The following RNF213 variants were observed in gnomAD, a reference collection of about 807,000 sequenced individuals.
RNF213 encodes the protein ring finger protein 213.
In RNF213, 341 loss-of-function variants were observed where a neutral mutation model predicts 514.4. The ratio of observed to expected loss-of-function variants is 0.66; its 90% CI spans 0.61 to 0.73. RNF213 has a LOEUF of 0.73. Among genes scored for constraint, RNF213 ranks in the 30% least tolerant of loss-of-function variants. RNF213 has a pLI of 0.00. For missense variants in RNF213, 5,767 were observed against 6,615.6 expected (o/e 0.87, Z 4.45); for synonymous variants, 2,655 against 2,658.2 (o/e 1.00, Z 0.04).
chr17:80,358,358 A>G lies in RNF213; in HGVS notation c.10933A>G (p.Arg3645Gly). The G allele has an allele frequency of 6.2e-7, 1 of 1,614,206 alleles. No individual in the cohort carries two copies. The highest frequency in any genetic ancestry group is 1.1e-5 in the South Asian group (1 of 91,080). Reference sequence around the variant, plus strand: ...GGCGAGCATGATATCATTCATCGACAGAGACGGCAACCTAGAGTTACTGAC... The same window carrying G: ...GGCGAGCATGATATCATTCATCGACGGAGACGGCAACCTAGAGTTACTGAC... ...LLASMISFIDRDGNLELLTRP... is the reference protein window; with the variant it reads ...LLASMISFIDGDGNLELLTRP... The change falls in exon 37 of 68, where the codon AGA (arginine) becomes GGA (glycine). Residue 3645 changes from arginine to glycine, a missense_variant. By Grantham distance (125) the Arg-to-Gly change is moderately radical (BLOSUM62 -2). Transcript: ENST00000582970.
At chr17:80,382,026 G>A in intron 57 of RNF213, 1 of 416,562 alleles carries the variant, frequency 2.4e-6, no homozygotes. Context: ...AGTGTTCAGT[G>A]TGCATATATG....
At chr17:80,350,642 AAAAAT>A (rs1357556547) in intron 31 of RNF213, among the ~76,000 whole-genome samples, 8 of 152,362 alleles carry the variant, frequency 5.3e-5, no homozygotes, top group South Asian at 2.1e-4. Flanking sequence ...TCATTTCTAA[AAAAAT>A]AAAATAATTA....
intron 20 of RNF213, 111 bp downstream of exon 20, chr17:80,328,588 A>G: frequency 1.8e-6 from 2 of 1,098,882 alleles, no homozygotes; most frequent in Non-Finnish European, 2.4e-6. Flanking sequence ...AGGCTTTAAA[A>G]TTTTTTTTTT....
rs183053516 is a variant in RNF213 at position 80,306,648 on chromosome 17, G to A, written c.2427+180G>A. Among the ~76,000 whole-genome samples, 810 of 152,146 alleles carry A rather than the reference G, an allele frequency of 5.3e-3. 6 individuals are homozygous for A. The highest frequency in any genetic ancestry group is 0.019 in the African/African-American group (780 of 41,514). On this transcript the variant is annotated intron_variant, in intron 12 of 67. Coordinates refer to ENST00000582970, the MANE Select transcript of RNF213 (RefSeq NM_001256071.3). ...GGGCAGATCACGAGGTCAGGAGATC[G>A]AGACCATCCTGGCTAACACAGTGAA...
At chr17:80,296,351 T>C (rs2044946178) in intron 10 of RNF213, among the ~76,000 whole-genome samples, 1 of 152,166 alleles carries the variant, frequency 6.6e-6, no homozygotes, top group Non-Finnish European at 1.5e-5. Flanking sequence ...CTTCGTGTGG[T>C]ATCATGAGCA....
intron 28 of RNF213, 101 bp downstream of exon 28, chr17:80,344,116 C>T: frequency 7.8e-7 from 1 of 1,278,440 alleles, no homozygotes. Context: ...CACATCTTTG[C>T]CTTACTTAGT....
intron 19 of RNF213, 60 bp from the exon 20 acceptor site, chr17:80,328,268 C>T: frequency 1.3e-6 from 2 of 1,493,910 alleles, no homozygotes; most frequent in Admixed American, 4.3e-5. Context: ...CAAAGCATTG[C>T]CATGGAAAAT....
rs763973660 is a variant in RNF213 at position 80,376,292 on chromosome 17, T to G, written c.13186-9T>G. Reference sequence around the variant, plus strand: ...GATACATCTTAATGTTAAGTTTTTTTCCTGTCAGCAATGTGAAGCTGTGAG... The same window carrying G: ...GATACATCTTAATGTTAAGTTTTTTGCCTGTCAGCAATGTGAAGCTGTGAG... On this transcript the variant is annotated splice_polypyrimidine_tract_variant and intron_variant, in intron 51 of 67. Coordinates refer to ENST00000582970, the MANE Select transcript of RNF213 (RefSeq NM_001256071.3). 1.1e-5 allele frequency: 17 copies of G among 1,614,080 alleles called. No homozygotes were observed. The African/African-American group carries it at 2.0e-4, about 19-fold the overall frequency.
chr17:80,313,440 GGTTGGTGGTGGTGGTGGT>G (rs1397850199), intron 15 of RNF213, among the ~76,000 whole-genome samples: 5 of 12,934 alleles, frequency 3.9e-4, no homozygotes, highest in African/African-American at 1.2e-3. Flanking sequence ...TGATGGTGAT[GGTTGGTGGTGGTGGTGGT>G]AGAGGTGATG....
At chr17:80,352,021 A>G in intron 32 of RNF213, 1 of 412,674 alleles carries the variant, frequency 2.4e-6, no homozygotes, top group South Asian at 2.5e-5. Context: ...TGCCCAGCTA[A>G]TTTTTGTATG....
chr17:80,294,898 C>T lies in RNF213; in HGVS notation c.1650C>T (p.Asn550=). The change falls in exon 9 of 68, where the codon AAC becomes AAT. Residue 550 remains asparagine (N), a synonymous_variant. Transcript: ENST00000582970. ...ILQTWDTINL[N]SFFTQFEQFC... is the part of the protein sequence containing the mutation. ...AGACCTGGGACACCATCAACCTGAA[C>T]AGCTTCTTCACCCAGTTCGAGCAGT... The T allele has an allele frequency of 3.7e-6, 6 of 1,614,234 alleles. No individual in the cohort carries two copies. The highest frequency in any genetic ancestry group is 5.1e-6 in the Non-Finnish European group (6 of 1,180,046).
intron 21 of RNF213, among the ~76,000 whole-genome samples, chr17:80,333,442 C>T (rs1348748147): frequency 6.6e-6 from 1 of 151,030 alleles, no homozygotes; most frequent in Admixed American, 6.6e-5. Flanking sequence ...GCCTGTAATC[C>T]CAGCACTTTG....
intron 11 of RNF213, among the ~76,000 whole-genome samples, chr17:80,305,030 C>T (rs1185731217): frequency 1.3e-5 from 2 of 152,074 alleles, no homozygotes; most frequent in African/African-American, 4.8e-5. Flanking sequence ...TCAATGAATT[C>T]TTTTTGTGTA....
At position 80,388,591 on chromosome 17, in the gene RNF213, CT is replaced by C. The variant is rs756409502; in HGVS notation, c.14923-15del. On this transcript the variant is annotated intron_variant, in intron 63 of 67. Coordinates refer to ENST00000582970, the MANE Select transcript of RNF213 (RefSeq NM_001256071.3). ...CCACGATGGATTTAATTTTAAAAAACTTTTTTCTTTCCCAATTTAGGGAATA... is the reference window on the plus strand; with the variant it reads ...CCACGATGGATTTAATTTTAAAAAACTTTTTCTTTCCCAATTTAGGGAATA... 13 of 1,558,704 alleles carry C rather than the reference CT, an allele frequency of 8.3e-6. No individual in the cohort carries two copies. The South Asian group carries it at 1.2e-4, about 15-fold the overall frequency.
intron 50 of RNF213, 98 bp downstream of exon 50, chr17:80,374,687 CTG>C: frequency 7.0e-7 from 1 of 1,429,786 alleles, no homozygotes; most frequent in Non-Finnish European, 9.7e-7. Flanking sequence ...TGATGGACCA[CTG>C]ATGCAGCCCA....
At chr17:80,349,393 G>T (rs1342746959) in intron 29 of RNF213, among the ~76,000 whole-genome samples, 1 of 152,158 alleles carries the variant, frequency 6.6e-6, no homozygotes, top group East Asian at 1.9e-4. Context: ...GGGGGAAGGG[G>T]ACAGCACCAA....
chr17:80,332,160 A>G lies in RNF213; in HGVS notation c.3672A>G (p.Ile1224Met), dbSNP rs1157797676. The change falls in exon 21 of 68, where the codon ATA becomes ATG. Residue 1224 changes from isoleucine (I) to methionine (M), a missense_variant. Physicochemically the swap from Ile to Met is conservative, Grantham distance 10. Transcript: ENST00000582970. ...SSQVQEMAGKIDLLRDSHIFQ... is the reference protein window; with the variant it reads ...SSQVQEMAGKMDLLRDSHIFQ... ...AGGTCCAAGAAATGGCTGGGAAGAT[A>G]GACTTGCTCAGAGACAGCCACATCT... The G allele has an allele frequency of 6.5e-7, 1 of 1,537,088 alleles. No homozygotes were observed. Among genetic ancestry groups the G allele is most frequent in the Non-Finnish European group, 8.7e-7 (1 of 1,146,922 alleles).
rs201312003 is a variant in RNF213, at chr17:80,393,478, T to G, written c.15604T>G (p.Trp5202Gly). The G allele has an allele frequency of 3.7e-6, 6 of 1,614,170 alleles. No individual in the cohort carries two copies. The highest frequency in any genetic ancestry group is 5.1e-6 in the Non-Finnish European group (6 of 1,180,022). The change falls in exon 68 of 68, where the codon TGG becomes GGG. Residue 5202 changes from tryptophan (W) to glycine (G), a missense_variant. Physicochemically the swap from Trp to Gly is radical, Grantham distance 184. Coordinates refer to ENST00000582970, the MANE Select transcript of RNF213 (RefSeq NM_001256071.3). ...GTGGAAAACAGCTGCTGTGCTGAAATGGAATCGAGAAATGAGATAGAATTA... is the reference window on the plus strand; with the variant it reads ...GTGGAAAACAGCTGCTGTGCTGAAAGGGAATCGAGAAATGAGATAGAATTA... ...SVWKTAAVLK[W>G]NREMR is the part of the protein sequence containing the mutation.
chr17:80,384,871 T>A, intron 59 of RNF213, 168 bp from the exon 60 acceptor site: 1 of 742,412 alleles, frequency 1.3e-6, no homozygotes, highest in Non-Finnish European at 2.3e-6. Context: ...TCTGTAGACT[T>A]GTGGGAAGAA....
Sources: gnomAD v4.1 joint callset for allele counts (sites outside exome capture counted in the v4.1 genomes callset) on GRCh38, gnomAD v4.1.1 for gene constraint, MANE v1.5 for transcripts, NCBI Gene and HGNC (gene_info 2026-07-23, HGNC 2026-07-21) for gene names.